Variants in SPACDR observed in about 807,000 individuals in gnomAD.
SPACDR encodes uncharacterized protein C7orf61.
At chr7:100,463,218 C>T in the SPACDR span, 2 of 640,988 alleles carry the variant, frequency 3.1e-6, no homozygotes, top group East Asian at 2.8e-5. Flanking sequence ...AAGTGATCCT[C>T]CCATCTCAGC....
chr7:100,463,316 C>A, the SPACDR span: 3 of 1,448,624 alleles, frequency 2.1e-6, no homozygotes, highest in South Asian at 2.7e-5. Context: ...AGGGGTGAGT[C>A]ACTGGGGGCT....
At chr7:100,460,724 C>T in the SPACDR span, among the ~76,000 whole-genome samples, 1 of 151,518 alleles carries the variant, frequency 6.6e-6, no homozygotes, top group Non-Finnish European at 1.5e-5. Flanking sequence ...AAATATAGCT[C>T]ACTGTGGCCT....
chr7:100,457,055 C>A, the SPACDR span: 44 of 1,138,390 alleles, frequency 3.9e-5, no homozygotes, highest in Non-Finnish European at 5.0e-5. Context: ...CTAGAACGAC[C>A]CATAGATAAA....
chr7:100,463,497 T>C, the SPACDR span: 1 of 1,613,900 alleles, frequency 6.2e-7, no homozygotes, highest in Admixed American at 1.7e-5. Flanking sequence ...TCCTCTGTAG[T>C]CTTGGCCAAC....
At chr7:100,463,216 C>T in the SPACDR span, 2 of 630,684 alleles carry the variant, frequency 3.2e-6, no homozygotes, top group Non-Finnish European at 5.4e-6. Flanking sequence ...TCAAGTGATC[C>T]TCCCATCTCA....
the SPACDR span, among the ~76,000 whole-genome samples, chr7:100,459,592 G>A: frequency 6.6e-6 from 1 of 151,246 alleles, no homozygotes; most frequent in Non-Finnish European, 1.5e-5. Flanking sequence ...GCCCGGCCCT[G>A]TCCTTTCCGT....
chr7:100,457,851 ATATATATTTTT>A, the SPACDR span, among the ~76,000 whole-genome samples: 1 of 29,612 alleles, frequency 3.4e-5, no homozygotes, highest in Non-Finnish European at 6.4e-5. Flanking sequence ...GTATATATAT[ATATATATTTTT>A]TTTTTTTTTT....
the SPACDR span, among the ~76,000 whole-genome samples, chr7:100,462,018 C>T: frequency 6.7e-6 from 1 of 149,346 alleles, no homozygotes; most frequent in Non-Finnish European, 1.5e-5. Context: ...CCTCACCTGA[C>T]TCCTTAGGTT....
the SPACDR span, chr7:100,463,338 G>T: frequency 1.3e-6 from 2 of 1,531,658 alleles, no homozygotes; most frequent in Non-Finnish European, 8.8e-7. Flanking sequence ...GGGAAAGAGG[G>T]AGGGGGTGTT....
chr7:100,462,267 G>T, the SPACDR span, among the ~76,000 whole-genome samples: 1 of 152,036 alleles, frequency 6.6e-6, no homozygotes, highest in Non-Finnish European at 1.5e-5. Flanking sequence ...AGGCTGGAGT[G>T]CAGTGGTGCT....
chr7:100,457,169 CTTT>C, the SPACDR span, among the ~76,000 whole-genome samples: 1 of 143,380 alleles, frequency 7.0e-6, no homozygotes, highest in Non-Finnish European at 1.5e-5. Flanking sequence ...CATTTCTATC[CTTT>C]TTTTTTTTTT....
chr7:100,463,294 G>T, the SPACDR span: 2 of 1,284,340 alleles, frequency 1.6e-6, no homozygotes, highest in Non-Finnish European at 2.2e-6. Flanking sequence ...TGTTGAACAA[G>T]TAATCAGAGG....
chr7:100,463,821 C>T, the SPACDR span: 2 of 1,254,692 alleles, frequency 1.6e-6, no homozygotes, highest in African/African-American at 1.5e-5. Flanking sequence ...CCAGCCCCTC[C>T]CCAGCTGTCC....
At chr7:100,457,695 AC>A in the SPACDR span, among the ~76,000 whole-genome samples, 1 of 139,470 alleles carries the variant, frequency 7.2e-6, no homozygotes, top group Non-Finnish European at 1.5e-5. Flanking sequence ...ATCTCAGCTC[AC>A]TGCAACCTCC....
the SPACDR span, among the ~76,000 whole-genome samples, chr7:100,461,153 G>A: frequency 2.2e-4 from 34 of 151,978 alleles, no homozygotes; most frequent in South Asian, 2.3e-3. Context: ...GCAGAATCTC[G>A]GGTCATTGCA....
chr7:100,464,076 C>A, the SPACDR span: 115 of 74,306 alleles, frequency 1.5e-3, no homozygotes, highest in African/African-American at 0.045. Context: ...GCATTTGGTA[C>A]GGTGGGGGTG....
chr7:100,459,319 TCAGG>T, the SPACDR span, among the ~76,000 whole-genome samples: 23 of 142,516 alleles, frequency 1.6e-4, no homozygotes, highest in East Asian at 4.6e-3. Flanking sequence ...CTTTATTTTT[TCAGG>T]CAGAGTTTCA....
the SPACDR span, among the ~76,000 whole-genome samples, chr7:100,457,858 T>TA: frequency 0.025 from 1,993 of 81,298 alleles, 47 homozygotes; most frequent in Middle Eastern, 0.039. Context: ...TATATATATA[T>TA]TTTTTTTTTT....
the SPACDR span, chr7:100,463,357 G>T: frequency 6.3e-7 from 1 of 1,579,782 alleles, no homozygotes; most frequent in Admixed American, 1.8e-5. Context: ...TTAGGATGGT[G>T]CTGACCTTCC....
Sources: gnomAD v4.1 joint callset for allele counts (sites outside exome capture counted in the v4.1 genomes callset) on GRCh38, gnomAD v4.1.1 for gene constraint, MANE v1.5 for transcripts, NCBI Gene and HGNC (gene_info 2026-07-23, HGNC 2026-07-21) for gene names.